The following ITPR2 variants were observed in gnomAD, a reference collection of about 807,000 sequenced individuals.
ITPR2 encodes the protein inositol 1,4,5-trisphosphate-gated calcium channel ITPR2.
A neutral mutation model predicts 317.1 loss-of-function variants in ITPR2; 207 were observed. The observed-to-expected ratio is 0.65, with a 90% CI of 0.58 to 0.73. The LOEUF is 0.73. Ranked by LOEUF, ITPR2 falls within the 30% of genes least tolerant of loss-of-function variation. The probability of loss-of-function intolerance (pLI) is 0.00; values close to 1 mark genes in which losing one functional copy is unlikely to be tolerated. For missense variants in ITPR2, 2,613 were observed against 3,284.0 expected, an observed-to-expected ratio of 0.80 and a Z score of 4.99; for synonymous variants, 1,156 against 1,149.1, an observed-to-expected ratio of 1.01 and a Z score of -0.12.
At chr12:26,743,663 CG>C (rs1565732681) in intron 2 of ITPR2, among the ~76,000 whole-genome samples, 1 of 151,994 alleles carries the variant, frequency 6.6e-6, no homozygotes, top group African/African-American at 2.4e-5. Flanking sequence ...GAGGCCGAGG[CG>C]GGGGGATCAC....
At chr12:26,684,380 G>C (rs1052619532) in intron 11 of ITPR2, among the ~76,000 whole-genome samples, 5 of 152,198 alleles carry the variant, frequency 3.3e-5, no homozygotes, top group African/African-American at 1.2e-4. Flanking sequence ...CCAGGGCATG[G>C]TGAGGTGTCA....
At chr12:26,478,615 T>C (rs1402149437) in intron 43 of ITPR2, among the ~76,000 whole-genome samples, 1 of 152,170 alleles carries the variant, frequency 6.6e-6, no homozygotes, top group African/African-American at 2.4e-5. Flanking sequence ...GTCAGAAGAA[T>C]AGAAATCTTA....
intron 5 of ITPR2, among the ~76,000 whole-genome samples, chr12:26,720,834 G>T (rs1206607905): frequency 1.3e-5 from 2 of 152,146 alleles, no homozygotes; most frequent in African/African-American, 2.4e-5. Context: ...ACTGTGTAAA[G>T]GCAGCAAGGA....
intron 14 of ITPR2, among the ~76,000 whole-genome samples, chr12:26,665,345 G>A (rs1947601425): frequency 6.6e-6 from 1 of 152,158 alleles, no homozygotes; most frequent in South Asian, 2.1e-4. Flanking sequence ...ACTATGCAGG[G>A]TTTTTGGAGG....
At chr12:26,716,369 A>G in intron 5 of ITPR2, 127 bp from the exon 6 acceptor site, 2 of 595,396 alleles carry the variant, frequency 3.4e-6, no homozygotes, top group African/African-American at 3.7e-5. Flanking sequence ...TCCTTCACAC[A>G]AATTTTCATA....
chr12:26,483,952 T>C lies in ITPR2; in HGVS notation c.5812-54A>G, dbSNP rs1942602104. ...GGTTACAAAAATTCACTGTGCTGAT[T>C]GTTTGCTGTTCTTCCCATATGTGTG... is the stretch of plus-strand genomic sequence containing the variant. On this transcript the variant is annotated intron_variant, in intron 41 of 56. Coordinates refer to ENST00000381340, the MANE Select transcript of ITPR2 (RefSeq NM_002223.4). 5 of 1,451,370 alleles carry C rather than the reference T, an allele frequency of 3.4e-6. No individual in the cohort carries two copies. In the East Asian group the frequency reaches 1.1e-4, roughly 33 times the overall value. 89.9% of individuals were successfully genotyped at this position (1,451,370 alleles called of 1,614,324 possible).
At chr12:26,618,551 G>T (rs1392958064) in intron 26 of ITPR2, among the ~76,000 whole-genome samples, 1 of 152,214 alleles carries the variant, frequency 6.6e-6, no homozygotes, top group South Asian at 2.1e-4. Context: ...CCATCATAAG[G>T]ATAGGGAGCT....
rs1565609908 is a variant in ITPR2, at chr12:26,568,014, ATAT to A, written c.4631-6065_4631-6063del. Among the ~76,000 whole-genome samples the A allele has an allele frequency of 9.1e-4, 62 of 68,202 alleles. 4 individuals carry two copies. The East Asian group carries it at 0.017, about 18-fold the overall frequency. 44.7% of individuals were successfully genotyped at this position (68,202 alleles called of 152,430 possible). ...TATATATATTATATATATTATATAT[ATAT>A]ATATATATATATATAAAATGTCAAA... On this transcript the variant is annotated intron_variant, in intron 34 of 56. Coordinates refer to ENST00000381340, the MANE Select transcript of ITPR2 (RefSeq NM_002223.4).
intron 34 of ITPR2, among the ~76,000 whole-genome samples, chr12:26,570,310 T>C (rs549304504): frequency 9.9e-5 from 15 of 152,198 alleles, no homozygotes; most frequent in Non-Finnish European, 1.6e-4. Flanking sequence ...TATAAATCAG[T>C]TGAGTTAATA....
chr12:26,628,206 T>C lies in ITPR2; in HGVS notation c.2935-44A>G, dbSNP rs750798793. 5.3e-6 allele frequency: 8 copies of C among 1,501,298 alleles called. No homozygotes were observed. The African/African-American group carries it at 5.6e-5, about 10-fold the overall frequency. The allele number at this position is 1,501,298 out of a possible 1,614,324, so 93.0% of individuals were successfully genotyped here. On this transcript the variant is annotated intron_variant, in intron 22 of 56. Coordinates refer to ENST00000381340, the MANE Select transcript of ITPR2 (RefSeq NM_002223.4). ...ACAACATAAATTTCTTTCATTAGCA[T>C]AGTATTTAAAAATGCAATTCACAAC...
intron 41 of ITPR2, among the ~76,000 whole-genome samples, chr12:26,485,887 A>G (rs1169378056): frequency 6.6e-6 from 1 of 152,194 alleles, no homozygotes; most frequent in Non-Finnish European, 1.5e-5. Flanking sequence ...GGAGGATGAC[A>G]CTGTATGAGC....
Position 26,656,245 on chromosome 12 carries a change from G to A in ITPR2, c.2444+52C>T, listed in dbSNP as rs528768194. 2.3e-5 allele frequency: 36 copies of A among 1,593,370 alleles called. 1 individual carries two copies. The highest frequency in any genetic ancestry group is 1.6e-4 in the African/African-American group (12 of 74,582). On this transcript the variant is annotated intron_variant, in intron 19 of 56. Transcript: ENST00000381340. ...CATTTCAAAACTGTAGACATTTGAC[G>A]TGGAGTTCATCTGATGAATTCCAAA... is the stretch of plus-strand genomic sequence containing the variant.
intron 9 of ITPR2, among the ~76,000 whole-genome samples, chr12:26,697,318 GA>G (rs1245325741): frequency 6.6e-6 from 1 of 152,128 alleles, no homozygotes; most frequent in Non-Finnish European, 1.5e-5. Flanking sequence ...ACAAAGGAAG[GA>G]AAAAAGAAAA....
intron 56 of ITPR2, 113 bp from the exon 57 acceptor site, chr12:26,339,596 T>C: frequency 2.9e-6 from 2 of 697,974 alleles, no homozygotes; most frequent in South Asian, 3.6e-5. Flanking sequence ...TCCAGCATCA[T>C]ATAGAATATA....
intron 52 of ITPR2, among the ~76,000 whole-genome samples, chr12:26,404,539 AG>A (rs1940285157): frequency 6.6e-6 from 1 of 152,198 alleles, no homozygotes; most frequent in Non-Finnish European, 1.5e-5. Flanking sequence ...ATTAAACAAT[AG>A]GGTCATCAGG....
intron 9 of ITPR2, among the ~76,000 whole-genome samples, chr12:26,703,879 A>T (rs1163612181): frequency 2.0e-5 from 3 of 152,222 alleles, no homozygotes; most frequent in African/African-American, 7.2e-5. Flanking sequence ...ATTGCAGGGA[A>T]CAAAATAGCC....
chr12:26,446,765 C>T (rs1327483722), intron 45 of ITPR2, among the ~76,000 whole-genome samples: 1 of 149,750 alleles, frequency 6.7e-6, no homozygotes, highest in East Asian at 1.9e-4. Context: ...ACCTAGGCCT[C>T]CCTTCACATG....
intron 45 of ITPR2, among the ~76,000 whole-genome samples, chr12:26,458,681 C>A (rs950925802): frequency 1.3e-5 from 2 of 152,022 alleles, no homozygotes; most frequent in African/African-American, 4.8e-5. Flanking sequence ...AAAACTTGCC[C>A]AAATAAAAAT....
chr12:26,556,474 G>T, intron 35 of ITPR2, 99 bp from the exon 36 acceptor site: 2 of 1,105,884 alleles, frequency 1.8e-6, no homozygotes, highest in South Asian at 3.2e-5. Context: ...GAATTTTATA[G>T]ATGCCCCTCT....
Sources: allele counts gnomAD v4.1 joint callset (sites outside exome capture counted in the v4.1 genomes callset), GRCh38; gene constraint gnomAD v4.1.1; transcripts MANE v1.5; gene names NCBI Gene and HGNC (gene_info 2026-07-23, HGNC 2026-07-21).